The following COL20A1 variants were observed in gnomAD, a reference collection of about 807,000 sequenced individuals.
COL20A1 encodes collagen type XX alpha 1 chain.
In COL20A1, 164 loss-of-function variants were observed where a neutral mutation model predicts 152.9. The observed-to-expected ratio is 1.07, with a 90% CI of 0.94 to 1.22. COL20A1 has a LOEUF of 1.22. Among genes scored for constraint, COL20A1 ranks in the 50% most tolerant of loss-of-function variants. The pLI is 0.00. For missense variants in COL20A1, 1,873 were observed against 1,744.8 expected (o/e 1.07, Z -1.31); for synonymous variants, 864 against 756.0 (o/e 1.14, Z -2.34).
intron 26 of COL20A1, among the ~76,000 whole-genome samples, chr20:63,321,656 C>T (rs1457013252): frequency 1.3e-5 from 2 of 152,170 alleles, no homozygotes; most frequent in Non-Finnish European, 1.5e-5. Context: ...CAGGCCTGGA[C>T]CCCTGCCATG....
chr20:63,329,720 C>A, intron 35 of COL20A1, 59 bp downstream of exon 35: 1 of 1,275,024 alleles, frequency 7.8e-7, no homozygotes. Flanking sequence ...GAAGGAGGAG[C>A]TCCTGAGGGG....
At chr20:63,295,488 G>A (rs1322565380) in intron 2 of COL20A1, among the ~76,000 whole-genome samples, 1 of 152,226 alleles carries the variant, frequency 6.6e-6, no homozygotes, top group African/African-American at 2.4e-5. Context: ...GGAGGCTGGG[G>A]TAAAGATGGA....
At chr20:63,328,057 G>C in intron 32 of COL20A1, 22 bp from the exon 33 acceptor site, 1 of 1,613,464 alleles carries the variant, frequency 6.2e-7, no homozygotes, top group Non-Finnish European at 8.5e-7. Flanking sequence ...GGGTCCCAAA[G>C]CTGCACCACC....
intron 26 of COL20A1, among the ~76,000 whole-genome samples, chr20:63,321,686 C>T (rs999217328): frequency 6.6e-6 from 1 of 152,144 alleles, no homozygotes; most frequent in Admixed American, 6.5e-5. Flanking sequence ...CTGAGAGGTC[C>T]TTGGACCTGC....
Position 63,305,338 on chromosome 20 carries a change from A to C in COL20A1, c.194-79A>C. On this transcript the variant is annotated intron_variant, in intron 3 of 35. Transcript: ENST00000358894. The surrounding 1 kb of genome is among the most constrained non-coding windows in gnomAD (Gnocchi z 4.9). ...CAGCTGGGGTGGGGAGGAGGAGCCA[A>C]GAGGGTTTCACTCCCCGCCGTGACA... 1.6e-6 allele frequency: 2 copies of C among 1,238,742 alleles called. No homozygotes were observed. Among genetic ancestry groups the C allele is most frequent in the Non-Finnish European group, 2.1e-6 (2 of 951,934 alleles). 76.7% of individuals were successfully genotyped at this position (1,238,742 alleles called of 1,614,324 possible).
chr20:63,324,474 G>A (rs2068214160), intron 27 of COL20A1: 1 of 152,202 alleles, frequency 6.6e-6, no homozygotes, highest in Non-Finnish European at 1.5e-5. Flanking sequence ...TTGTCATGTG[G>A]TAGTGAAGTC....
rs969206330 is a variant in COL20A1, at chr20:63,319,942, G to A, written c.2917-97G>A. ...TCAGGTTCCTGACCCCAGGTCCCAG[G>A]GATGGGTGTTACTCCCCAGCCCTGG... is the stretch of plus-strand genomic sequence containing the variant. On this transcript the variant is annotated intron_variant, in intron 23 of 35. Transcript: ENST00000358894. The surrounding 1 kb of genome is among the most constrained non-coding windows in gnomAD (Gnocchi z 4.4). 2.4e-6 allele frequency: 3 copies of A among 1,227,054 alleles called. No homozygotes were observed. Among genetic ancestry groups the A allele is most frequent in the African/African-American group, 3.1e-5 (2 of 64,198 alleles). 76.0% of individuals were successfully genotyped at this position (1,227,054 alleles called of 1,614,324 possible).
At chr20:63,304,865 G>A (rs190021128) in intron 3 of COL20A1, among the ~76,000 whole-genome samples, 1 of 152,218 alleles carries the variant, frequency 6.6e-6, no homozygotes, top group Non-Finnish European at 1.5e-5. Context: ...CTCTTTCAAG[G>A]CCATTTCTTC....
intron 20 of COL20A1, 74 bp downstream of exon 20, chr20:63,315,513 GTGT>G (rs1322802010): frequency 7.3e-7 from 1 of 1,365,308 alleles, no homozygotes; most frequent in African/African-American, 1.4e-5. Flanking sequence ...GGGGCCAAGG[GTGT>G]CGTGACCTGG....
At chr20:63,307,789 T>A (rs2067947084) in intron 6 of COL20A1, 141 bp downstream of exon 6, 1 of 1,184,390 alleles carries the variant, frequency 8.4e-7, no homozygotes, top group African/African-American at 1.5e-5. Context: ...CCACATGGGG[T>A]GTTCTGGGGA....
At position 63,315,455 on chromosome 20, in the gene COL20A1, C is replaced by A. The variant is rs932646433; in HGVS notation, c.2524+16C>A. ...TCCCTCCCAGGTGGGTCCTGCATGC[C>A]CTCCCCTGCCTGCCCACCCACAGTC... On this transcript the variant is annotated intron_variant, in intron 20 of 35. Coordinates refer to ENST00000358894, the MANE Select transcript of COL20A1 (RefSeq NM_020882.4). 1 of 1,559,640 alleles carries A rather than the reference C, an allele frequency of 6.4e-7. No individual in the cohort carries two copies. The highest frequency in any genetic ancestry group is 8.6e-7 in the Non-Finnish European group (1 of 1,156,984).
chr20:63,333,537 G>A lies in COL20A1; in HGVS notation c.*2821G>A, dbSNP rs2068358591. 1 of 152,226 alleles carries A rather than the reference G, an allele frequency of 6.6e-6. No individual in the cohort carries two copies. The highest frequency in any genetic ancestry group is 2.1e-4 in the South Asian group (1 of 4,830). The allele number at this position is 152,226 out of a possible 1,614,324, so 9.4% of individuals were successfully genotyped here. A position where few individuals can be genotyped will look rare whatever the true frequency, so the allele number is the denominator to read the frequency against. On this transcript the variant is annotated 3_prime_UTR_variant, in exon 36 of 36. Transcript: ENST00000358894. ...AGTGGCTCTGCCTGAGGCCCCAAGA[G>A]CGACCTTGGAAGCTCCAGGCCTTCA...
intron 16 of COL20A1, 37 bp downstream of exon 16, chr20:63,312,971 C>T: frequency 6.5e-7 from 1 of 1,528,790 alleles, no homozygotes; most frequent in Non-Finnish European, 8.8e-7. Context: ...GAGGGGCCCC[C>T]CGTGGGCCCC....
At position 63,305,909 on chromosome 20, in the gene COL20A1, C is replaced by T; in HGVS notation, c.366C>T (p.Asp122=). The change falls in exon 5 of 36, where the codon GAC becomes GAT. Residue 122 remains aspartate (D), a synonymous_variant. Transcript: ENST00000358894. This position sits in a 1 kb window ranked among gnomAD's most constrained non-coding sequence, Gnocchi z 4.9. ...VIEDLKSSSL[D]RSSQRPLGSG... ...AGGATCTGAAGAGTAGCTCCCTGGA[C>T]AGGAGCAGCCAGAGGCCCCTCGGCT... The T allele has an allele frequency of 1.9e-6, 3 of 1,613,000 alleles. No individual in the cohort carries two copies. Among genetic ancestry groups the T allele is most frequent in the Non-Finnish European group, 2.5e-6 (3 of 1,179,820 alleles).
At chr20:63,330,559 G>A (rs1029684790) in intron 35 of COL20A1, among the ~76,000 whole-genome samples, 161 bp from the exon 36 acceptor site, 12 of 152,026 alleles carry the variant, frequency 7.9e-5, no homozygotes, top group Non-Finnish European at 1.2e-4. Flanking sequence ...GCCCACTTAC[G>A]GCCCTGCCCA....
chr20:63,315,263 G>C, intron 19 of COL20A1, 141 bp from the exon 20 acceptor site: 2 of 823,480 alleles, frequency 2.4e-6, no homozygotes, highest in East Asian at 2.7e-5. Flanking sequence ...GTGGGTGGCA[G>C]ATGGGACATA....
At chr20:63,316,343 G>C (rs13042567) in intron 20 of COL20A1, among the ~76,000 whole-genome samples, 1 of 152,044 alleles carries the variant, frequency 6.6e-6, no homozygotes, top group East Asian at 1.9e-4. Context: ...GGGGAGGGGT[G>C]GGGGGCGATG....
chr20:63,297,681 G>A (rs1398602612), intron 2 of COL20A1, among the ~76,000 whole-genome samples: 5 of 152,216 alleles, frequency 3.3e-5, no homozygotes, highest in Admixed American at 1.3e-4. Flanking sequence ...CTGTGACTGC[G>A]GACCCCGGGG....
At position 63,319,657 on chromosome 20, in the gene COL20A1, A is replaced by G; in HGVS notation, c.2916+61A>G. 1 of 1,219,716 alleles carries G rather than the reference A, an allele frequency of 8.2e-7. No homozygotes were observed. The highest frequency in any genetic ancestry group is 1.2e-6 in the Non-Finnish European group (1 of 853,480). 75.6% of individuals were successfully genotyped at this position (1,219,716 alleles called of 1,614,324 possible). A position where few individuals can be genotyped will look rare whatever the true frequency, so the allele number is the denominator to read the frequency against. The stretch of plus-strand genomic sequence containing the variant: ...CCCAGCTCTGGGGCAGCCCAGCCCC[A>G]CAGGGACCTGCCGGATGCCAACTCC... On this transcript the variant is annotated intron_variant, in intron 23 of 35. Coordinates refer to ENST00000358894, the MANE Select transcript of COL20A1 (RefSeq NM_020882.4). The surrounding 1 kb of genome is among the most constrained non-coding windows in gnomAD (Gnocchi z 4.4).
Sources: gnomAD v4.1 joint callset for allele counts (sites outside exome capture counted in the v4.1 genomes callset) on GRCh38, gnomAD v4.1.1 for gene constraint, Gnocchi (gnomAD v3.1) non-coding constraint, MANE v1.5 for transcripts, NCBI Gene and HGNC (gene_info 2026-07-23, HGNC 2026-07-21) for gene names.